Variants in MGAT2 observed in about 807,000 individuals in gnomAD.
MGAT2 encodes Beta-1,2-N-acetylglucosaminyltransferase II.
In MGAT2, 17 loss-of-function variants were observed where a neutral mutation model predicts 33.8. The ratio of observed to expected loss-of-function variants is 0.50; its 90% CI spans 0.34 to 0.76. MGAT2 has a LOEUF of 0.76. Ranked by LOEUF, MGAT2 falls within the 30% of genes least tolerant of loss-of-function variation. The pLI, the probability that MGAT2 is intolerant of heterozygous loss-of-function variation, is 0.01. For synonymous variants in MGAT2, 248 were observed against 226.7 expected (o/e 1.09, Z -0.84); for missense variants, 529 against 553.9 (o/e 0.96, Z 0.45).
In MGAT2 at chr14:49,621,502, G is replaced by T; in HGVS notation, c.234G>T (p.Ala78=). Residue 78 remains alanine, a synonymous_variant, in exon 1 of 1, where the codon GCG becomes GCT. Coordinates refer to ENST00000305386, the MANE Select transcript of MGAT2 (RefSeq NM_002408.4). The surrounding 1 kb of genome is among the most constrained non-coding windows in gnomAD (Gnocchi z 4.6). ...TGTCGGCGGCTTCCCTGGTCCCGGC[G>T]GTCCCCCAGCCCGAGGCGGACAACC... ...SNVSAASLVP[A]VPQPEADNLT... is the part of the protein sequence containing the mutation. 6.2e-7 allele frequency: 1 copy of T among 1,611,062 alleles called. No homozygotes were observed. The highest frequency in any genetic ancestry group is 8.5e-7 in the Non-Finnish European group (1 of 1,178,352).
rs1475500548 is a variant in MGAT2 at position 49,622,828 on chromosome 14, CTG to C, written c.*218_*219del. The C allele has an allele frequency of 5.0e-6, 2 of 398,918 alleles. No homozygotes were observed. Among genetic ancestry groups the C allele is most frequent in the Non-Finnish European group, 9.2e-6 (2 of 217,646 alleles). 24.7% of individuals were successfully genotyped at this position (398,918 alleles called of 1,614,324 possible). A position where few individuals can be genotyped will look rare whatever the true frequency, so the allele number is the denominator to read the frequency against. ...TGGGAGTAGGGTTTTAAAGCTCAAT[CTG>C]TTATCTGCTAAAATTGATTATTGTT... On this transcript the variant is annotated 3_prime_UTR_variant, in exon 1 of 1. Transcript: ENST00000305386.
chr14:49,621,295 G>C lies in MGAT2; in HGVS notation c.27G>C (p.Lys9Asn). The change falls in exon 1 of 1, where the codon AAG becomes AAC. Residue 9 changes from lysine (K) to asparagine (N), a missense_variant. By Grantham distance (94) the Lys-to-Asn change is moderately conservative (BLOSUM62 0). Transcript: ENST00000305386. The surrounding 1 kb of genome is among the most constrained non-coding windows in gnomAD (Gnocchi z 4.6). Reference sequence around the variant, plus strand: ...TGAGGTTCCGCATCTACAAACGGAAGGTGCTAATCCTGACGCTCGTGGTGG... The same window carrying C: ...TGAGGTTCCGCATCTACAAACGGAACGTGCTAATCCTGACGCTCGTGGTGG... MRFRIYKR[K>N]VLILTLVVAA... is the part of the protein sequence containing the mutation. The C allele has an allele frequency of 6.2e-7, 1 of 1,612,592 alleles. No homozygotes were observed. The highest frequency in any genetic ancestry group is 8.5e-7 in the Non-Finnish European group (1 of 1,179,804).
chr14:49,622,295 G>T lies in MGAT2; in HGVS notation c.1027G>T (p.Asp343Tyr). 3 of 1,614,120 alleles carry T rather than the reference G, an allele frequency of 1.9e-6. No homozygotes were observed. Among genetic ancestry groups the T allele is most frequent in the Non-Finnish European group, 2.5e-6 (3 of 1,180,022 alleles). ...CACAGACACTTTCTGTACTTATGAT[G>T]ATTATAACTGGGACTGGACTCTTCA... ...ECTDTFCTYD[D>Y]YNWDWTLQYL... Residue 343 changes from aspartate to tyrosine, a missense_variant, in exon 1 of 1, where the codon GAT (aspartate) becomes TAT (tyrosine). Asp to Tyr is a radical substitution (Grantham distance 160). Around this residue, in one of 2 missense-constraint regions of MGAT2, gnomAD observed 501 missense variants for 501.1 expected, o/e 1.00. Coordinates refer to ENST00000305386, the MANE Select transcript of MGAT2 (RefSeq NM_002408.4).
At position 49,621,381 on chromosome 14, in the gene MGAT2, C is replaced by G. The variant is rs1213488531; in HGVS notation, c.113C>G (p.Ala38Gly). Reference sequence around the variant, plus strand: ...CGACAAAGGAAGAACGAGGCCCTCGCCCCACCGTTGCTGGACGCCGAACCC... The same window carrying G: ...CGACAAAGGAAGAACGAGGCCCTCGGCCCACCGTTGCTGGACGCCGAACCC... ...NGRQRKNEAL[A>G]PPLLDAEPAR... Residue 38 changes from alanine to glycine, a missense_variant, in exon 1 of 1, where the codon GCC (alanine) becomes GGC (glycine). Physicochemically the swap from Ala to Gly is moderately conservative, Grantham distance 60. Transcript: ENST00000305386. This position sits in a 1 kb window ranked among gnomAD's most constrained non-coding sequence, Gnocchi z 4.6. 1 of 1,611,148 alleles carries G rather than the reference C, an allele frequency of 6.2e-7. No individual in the cohort carries two copies. Among genetic ancestry groups the G allele is most frequent in the Non-Finnish European group, 8.5e-7 (1 of 1,178,874 alleles).
Position 49,622,370 on chromosome 14 carries a change from C to A in MGAT2, c.1102C>A (p.Gln368Lys), listed in dbSNP as rs1882880345. Residue 368 changes from glutamine to lysine, a missense_variant, in exon 1 of 1, where the codon CAA (glutamine) becomes AAA (lysine). Around this residue, in one of 2 missense-constraint regions of MGAT2, gnomAD observed 501 missense variants for 501.1 expected, o/e 1.00. Coordinates refer to ENST00000305386, the MANE Select transcript of MGAT2 (RefSeq NM_002408.4). ...LPKFWKVLVP[Q>K]IPRIFHAGDC... ...AAAATTCTGGAAAGTGCTGGTTCCT[C>A]AAATTCCTAGGATCTTTCATGCTGG... The A allele has an allele frequency of 6.2e-7, 1 of 1,614,190 alleles. No homozygotes were observed. Among genetic ancestry groups the A allele is most frequent in the African/African-American group, 1.3e-5 (1 of 75,054 alleles).
Position 49,621,683 on chromosome 14 carries a change from C to G in MGAT2, c.415C>G (p.Arg139Gly), listed in dbSNP as rs1274013067. The change falls in exon 1 of 1, where the codon CGA becomes GGA. Residue 139 changes from arginine to glycine, a missense_variant. Transcript: ENST00000305386. The surrounding 1 kb of genome is among the most constrained non-coding windows in gnomAD (Gnocchi z 4.6). ...EYLRLLLDSL[R>G]KAQGIDNVLV... ...CCTCAGACTGCTGCTGGACTCACTT[C>G]GAAAAGCCCAGGGAATTGACAACGT... 1.9e-6 allele frequency: 3 copies of G among 1,614,106 alleles called. No homozygotes were observed. The highest frequency in any genetic ancestry group is 3.3e-4 in the Middle Eastern group (2 of 6,062).
chr14:49,621,865 C>A lies in MGAT2; in HGVS notation c.597C>A (p.Asp199Glu), dbSNP rs766182287. ...PGSDPRDCPR[D>E]LPKNAALKLG... ...GTGACCCTAGAGATTGTCCCAGAGA[C>A]CTGCCGAAGAATGCCGCTTTGAAAT... is the stretch of plus-strand genomic sequence containing the variant. The change falls in exon 1 of 1, where the codon GAC (aspartate) becomes GAA (glutamate). Residue 199 changes from aspartate to glutamate, a missense_variant. Coordinates refer to ENST00000305386, the MANE Select transcript of MGAT2 (RefSeq NM_002408.4). This position sits in a 1 kb window ranked among gnomAD's most constrained non-coding sequence, Gnocchi z 4.6. The A allele has an allele frequency of 6.2e-7, 1 of 1,614,160 alleles. No individual in the cohort carries two copies. Among genetic ancestry groups the A allele is most frequent in the South Asian group, 1.1e-5 (1 of 91,084 alleles).
Position 49,621,836 on chromosome 14 carries a change from G to C in MGAT2, c.568G>C (p.Gly190Arg). Residue 190 changes from glycine (G) to arginine (R), a missense_variant, in exon 1 of 1, where the codon GGT becomes CGT. This residue lies in a region of MGAT2 where 501 missense variants were observed against 501.1 expected (regional missense o/e 1.00). Coordinates refer to ENST00000305386, the MANE Select transcript of MGAT2 (RefSeq NM_002408.4). The surrounding 1 kb of genome is among the most constrained non-coding windows in gnomAD (Gnocchi z 4.6). ...SIQLYPNEFP[G>R]SDPRDCPRDL... Reference sequence around the variant, plus strand: ...TCAGTTGTACCCTAACGAGTTTCCAGGTAGTGACCCTAGAGATTGTCCCAG... The same window carrying C: ...TCAGTTGTACCCTAACGAGTTTCCACGTAGTGACCCTAGAGATTGTCCCAG... 4 of 1,614,162 alleles carry C rather than the reference G, an allele frequency of 2.5e-6. No homozygotes were observed. The highest frequency in any genetic ancestry group is 3.4e-6 in the Non-Finnish European group (4 of 1,180,034).
In MGAT2 at chr14:49,622,118, C is replaced by G. The variant is rs201673817; in HGVS notation, c.850C>G (p.Pro284Ala). The G allele has an allele frequency of 1.4e-5, 22 of 1,614,050 alleles. No homozygotes were observed. Among genetic ancestry groups the G allele is most frequent in the East Asian group, 2.2e-5 (1 of 44,900 alleles). ...KMWKLKQQECPECDVLSLGTY... is the reference protein window; with the variant it reads ...KMWKLKQQECAECDVLSLGTY... Reference sequence around the variant, plus strand: ...GTGGAAACTGAAGCAGCAAGAGTGCCCTGAATGTGATGTTCTCTCCCTGGG... The same window carrying G: ...GTGGAAACTGAAGCAGCAAGAGTGCGCTGAATGTGATGTTCTCTCCCTGGG... The change falls in exon 1 of 1, where the codon CCT becomes GCT. Residue 284 changes from proline to alanine, a missense_variant. Coordinates refer to ENST00000305386, the MANE Select transcript of MGAT2 (RefSeq NM_002408.4).
Position 49,622,635 on chromosome 14 carries a change from A to G in MGAT2, c.*23A>G, listed in dbSNP as rs1882888903. ...TGAAAATCACAGTTACAAAAGCGAC[A>G]GTCTTCTATTTTTGATATTTGTCCA... On this transcript the variant is annotated 3_prime_UTR_variant, in exon 1 of 1. Transcript: ENST00000305386. The G allele has an allele frequency of 3.1e-6, 5 of 1,590,540 alleles. No homozygotes were observed. Among genetic ancestry groups the G allele is most frequent in the Non-Finnish European group, 4.3e-6 (5 of 1,172,968 alleles).
chr14:49,620,931 C>G lies in MGAT2; in HGVS notation c.-338C>G. On this transcript the variant is annotated 5_prime_UTR_variant, in exon 1 of 1. Coordinates refer to ENST00000305386, the MANE Select transcript of MGAT2 (RefSeq NM_002408.4). ...GCCGCTGGAGGCGCAGGTAACGAAG[C>G]TAGGGTGCGGTTGGGACCGCGGCTG... is the stretch of plus-strand genomic sequence containing the variant. 1 of 701,844 alleles carries G rather than the reference C, an allele frequency of 1.4e-6. No individual in the cohort carries two copies. Among genetic ancestry groups the G allele is most frequent in the Non-Finnish European group, 2.6e-6 (1 of 384,580 alleles). The allele number at this position is 701,844 out of a possible 1,614,324, so 43.5% of individuals were successfully genotyped here. A position where few individuals can be genotyped will look rare whatever the true frequency, so the allele number is the denominator to read the frequency against.
At position 49,620,929 on chromosome 14, in the gene MGAT2, A is replaced by C. The variant is rs1197467012; in HGVS notation, c.-340A>C. The C allele has an allele frequency of 1.4e-6, 1 of 701,750 alleles. No individual in the cohort carries two copies. Among genetic ancestry groups the C allele is most frequent in the Non-Finnish European group, 2.6e-6 (1 of 384,618 alleles). 43.5% of individuals were successfully genotyped at this position (701,750 alleles called of 1,614,324 possible). A position where few individuals can be genotyped will look rare whatever the true frequency, so the allele number is the denominator to read the frequency against. Reference sequence around the variant, plus strand: ...GGGCCGCTGGAGGCGCAGGTAACGAAGCTAGGGTGCGGTTGGGACCGCGGC... The same window carrying C: ...GGGCCGCTGGAGGCGCAGGTAACGACGCTAGGGTGCGGTTGGGACCGCGGC... On this transcript the variant is annotated 5_prime_UTR_variant, in exon 1 of 1. Coordinates refer to ENST00000305386, the MANE Select transcript of MGAT2 (RefSeq NM_002408.4).
Position 49,621,474 on chromosome 14 carries a change from A to C in MGAT2, c.206A>C (p.Asn69Thr). 1.2e-6 allele frequency: 2 copies of C among 1,608,626 alleles called. No homozygotes were observed. The highest frequency in any genetic ancestry group is 8.5e-7 in the Non-Finnish European group (1 of 1,176,604). ...GCTGTGGGCATCCGCAGGGTCTCCAACGTGTCGGCGGCTTCCCTGGTCCCG... is the reference window on the plus strand; with the variant it reads ...GCTGTGGGCATCCGCAGGGTCTCCACCGTGTCGGCGGCTTCCCTGGTCCCG... ...SVAVGIRRVS[N>T]VSAASLVPAV... The change falls in exon 1 of 1, where the codon AAC becomes ACC. Residue 69 changes from asparagine to threonine, a missense_variant. Asn to Thr is a moderately conservative substitution (Grantham distance 65). Transcript: ENST00000305386. This position sits in a 1 kb window ranked among gnomAD's most constrained non-coding sequence, Gnocchi z 4.6.
Position 49,621,513 on chromosome 14 carries a change from C to G in MGAT2, c.245C>G (p.Pro82Arg). The G allele has an allele frequency of 6.2e-7, 1 of 1,612,256 alleles. No homozygotes were observed. Among genetic ancestry groups the G allele is most frequent in the Non-Finnish European group, 8.5e-7 (1 of 1,179,168 alleles). The change falls in exon 1 of 1, where the codon CCC (proline) becomes CGC (arginine). Residue 82 changes from proline (P) to arginine (R), a missense_variant. Physicochemically the swap from Pro to Arg is moderately radical, Grantham distance 103. This residue lies in a region of MGAT2 where 501 missense variants were observed against 501.1 expected (regional missense o/e 1.00). Coordinates refer to ENST00000305386, the MANE Select transcript of MGAT2 (RefSeq NM_002408.4). The surrounding 1 kb of genome is among the most constrained non-coding windows in gnomAD (Gnocchi z 4.6). ...AASLVPAVPQ[P>R]EADNLTLRYR... ...TCCCTGGTCCCGGCGGTCCCCCAGCCCGAGGCGGACAACCTGACGCTGCGG... is the reference window on the plus strand; with the variant it reads ...TCCCTGGTCCCGGCGGTCCCCCAGCGCGAGGCGGACAACCTGACGCTGCGG...
At position 49,621,423 on chromosome 14, in the gene MGAT2, G is replaced by C. The variant is rs780742658; in HGVS notation, c.155G>C (p.Gly52Ala). ...GCCGAACCCGCGCGGGGTGCCGGCG[G>C]CCGCGGTGGGGACCACCCCTCTGTG... ...LDAEPARGAG[G>A]RGGDHPSVAV... Residue 52 changes from glycine to alanine, a missense_variant, in exon 1 of 1, where the codon GGC becomes GCC. Gly to Ala is a moderately conservative substitution (Grantham distance 60). Coordinates refer to ENST00000305386, the MANE Select transcript of MGAT2 (RefSeq NM_002408.4). This position sits in a 1 kb window ranked among gnomAD's most constrained non-coding sequence, Gnocchi z 4.6. 2.5e-6 allele frequency: 4 copies of C among 1,608,062 alleles called. No individual in the cohort carries two copies. The East Asian group carries it at 8.9e-5, about 36-fold the overall frequency.
Position 49,621,859 on chromosome 14 carries a change from CAG to C in MGAT2, c.595_596del (p.Asp199ProfsTer15). 6.2e-7 allele frequency: 1 copy of C among 1,614,108 alleles called. No individual in the cohort carries two copies. Among genetic ancestry groups the C allele is most frequent in the Non-Finnish European group, 8.5e-7 (1 of 1,180,030 alleles). ...CAGGTAGTGACCCTAGAGATTGTCC[CAG>C]AGACCTGCCGAAGAATGCCGCTTTG... ...FPGSDPRDCP[R>X]DLPKNAALKL... is the part of the protein sequence containing the mutation. On this transcript the variant is annotated frameshift_variant, in exon 1 of 1. Coordinates refer to ENST00000305386, the MANE Select transcript of MGAT2 (RefSeq NM_002408.4). LOFTEE classifies it high-confidence loss of function. This position sits in a 1 kb window ranked among gnomAD's most constrained non-coding sequence, Gnocchi z 4.6.
chr14:49,621,850 A>C lies in MGAT2; in HGVS notation c.582A>C (p.Arg194Ser). ...YPNEFPGSDP[R>S]DCPRDLPKNA... ...ACGAGTTTCCAGGTAGTGACCCTAG[A>C]GATTGTCCCAGAGACCTGCCGAAGA... is the stretch of plus-strand genomic sequence containing the variant. The change falls in exon 1 of 1, where the codon AGA becomes AGC. Residue 194 changes from arginine to serine, a missense_variant. Coordinates refer to ENST00000305386, the MANE Select transcript of MGAT2 (RefSeq NM_002408.4). This position sits in a 1 kb window ranked among gnomAD's most constrained non-coding sequence, Gnocchi z 4.6. 3 of 1,614,118 alleles carry C rather than the reference A, an allele frequency of 1.9e-6. No homozygotes were observed. The highest frequency in any genetic ancestry group is 2.5e-6 in the Non-Finnish European group (3 of 1,180,032).
rs1327113766 is a variant in MGAT2, at chr14:49,621,604, C to T, written c.336C>T (p.Thr112=). Residue 112 remains threonine (T), a synonymous_variant, in exon 1 of 1, where the codon ACC becomes ACT. Coordinates refer to ENST00000305386, the MANE Select transcript of MGAT2 (RefSeq NM_002408.4). The surrounding 1 kb of genome is among the most constrained non-coding windows in gnomAD (Gnocchi z 4.6). ...TGAGGAATGTAGATAAGGCTGGCAC[C>T]TGGGCCCCCCGGGAGCTGGTGCTGG... is the stretch of plus-strand genomic sequence containing the variant. ...QTLRNVDKAG[T]WAPRELVLVV... The T allele has an allele frequency of 1.9e-6, 3 of 1,613,934 alleles. No individual in the cohort carries two copies. The highest frequency in any genetic ancestry group is 2.5e-6 in the Non-Finnish European group (3 of 1,179,992).
rs960203627 is a variant in MGAT2 at position 49,621,138 on chromosome 14, C to T, written c.-131C>T. The T allele has an allele frequency of 3.6e-6, 5 of 1,391,942 alleles. No individual in the cohort carries two copies. In the East Asian group the frequency reaches 9.9e-5, roughly 28 times the overall value. 86.2% of individuals were successfully genotyped at this position (1,391,942 alleles called of 1,614,324 possible). A position where few individuals can be genotyped will look rare whatever the true frequency, so the allele number is the denominator to read the frequency against. On this transcript the variant is annotated 5_prime_UTR_variant, in exon 1 of 1. Coordinates refer to ENST00000305386, the MANE Select transcript of MGAT2 (RefSeq NM_002408.4). This position sits in a 1 kb window ranked among gnomAD's most constrained non-coding sequence, Gnocchi z 4.6. ...ACCCCCGGGGCCCGGGATGAGTTAG[C>T]GAGGGCAGCCGCGGGGGCCAGTTCC...
Sources: gnomAD v4.1 joint callset for allele counts on GRCh38, gnomAD v4.1.1 for gene constraint, gnomAD v4.1.1 regional missense constraint, Gnocchi (gnomAD v3.1) non-coding constraint, MANE v1.5 for transcripts, NCBI Gene and HGNC (gene_info 2026-07-23, HGNC 2026-07-21) for gene names.